Variants in ERBB4 observed in about 807,000 individuals in gnomAD.
ERBB4 encodes receptor tyrosine-protein kinase erbB-4.
In ERBB4, 42 loss-of-function variants were observed where a neutral mutation model predicts 158.0. The observed-to-expected ratio is 0.27, with a 90% CI of 0.21 to 0.34. The LOEUF (loss-of-function observed/expected upper bound fraction) is 0.34, where lower values mean the gene tolerates loss of function less well. ERBB4 is among the 10% of genes least tolerant of loss of function. ERBB4 has a pLI of 1.00. For missense variants in ERBB4, 1,333 were observed against 1,624.1 expected, an observed-to-expected ratio of 0.82 and a Z score of 3.08; for synonymous variants, 583 against 558.7, an observed-to-expected ratio of 1.04 and a Z score of -0.61.
At chr2:211,429,006 T>C (rs2063694376) in intron 21 of ERBB4, among the ~76,000 whole-genome samples, 1 of 151,336 alleles carries the variant, frequency 6.6e-6, no homozygotes, top group African/African-American at 2.5e-5. Context: ...GCCACCCTGC[T>C]TGGTCATACT....
At chr2:212,143,918 C>T (rs1392530108) in intron 1 of ERBB4, among the ~76,000 whole-genome samples, 1 of 151,710 alleles carries the variant, frequency 6.6e-6, no homozygotes, top group Non-Finnish European at 1.5e-5. Flanking sequence ...GCTTGGGAGG[C>T]TGAGGCAGGA....
chr2:211,975,360 G>A (rs1307860408), intron 2 of ERBB4, among the ~76,000 whole-genome samples: 1 of 152,144 alleles, frequency 6.6e-6, no homozygotes, highest in Non-Finnish European at 1.5e-5. Flanking sequence ...AATCAATCCT[G>A]ACCTGATTGA....
intron 5 of ERBB4, among the ~76,000 whole-genome samples, chr2:211,728,578 G>C (rs535023174): frequency 1.3e-5 from 2 of 151,832 alleles, no homozygotes; most frequent in East Asian, 3.9e-4. Context: ...TCAATAAAGT[G>C]CTTCGATGCA....
chr2:211,908,972 G>C (rs1248314442), intron 3 of ERBB4, among the ~76,000 whole-genome samples: 1 of 151,376 alleles, frequency 6.6e-6, no homozygotes, highest in African/African-American at 2.4e-5. Context: ...TGTTATAACT[G>C]GTTTCTTATA....
chr2:212,517,793 G>A (rs752642281), intron 1 of ERBB4, among the ~76,000 whole-genome samples: 2 of 151,946 alleles, frequency 1.3e-5, no homozygotes, highest in Non-Finnish European at 2.9e-5. Context: ...CACTTACTTG[G>A]GTATCTGAAA....
chr2:212,136,474 C>T (rs1559568164), intron 1 of ERBB4, among the ~76,000 whole-genome samples: 1 of 152,170 alleles, frequency 6.6e-6, no homozygotes, highest in Non-Finnish European at 1.5e-5. Context: ...TCTCTTCCTT[C>T]AAAGCATTCT....
intron 1 of ERBB4, among the ~76,000 whole-genome samples, chr2:212,244,157 A>G (rs1360430709): frequency 1.3e-5 from 2 of 152,200 alleles, no homozygotes; most frequent in Non-Finnish European, 1.5e-5. Flanking sequence ...ATAATGAATA[A>G]TGGGCATATT....
intron 25 of ERBB4, among the ~76,000 whole-genome samples, chr2:211,418,750 G>T (rs2063449233): frequency 6.6e-6 from 1 of 151,702 alleles, no homozygotes; most frequent in Non-Finnish European, 1.5e-5. Context: ...TAAATACAAG[G>T]GTATATAATT....
chr2:212,451,597 G>T (rs899195200), intron 1 of ERBB4, among the ~76,000 whole-genome samples: 2 of 152,092 alleles, frequency 1.3e-5, no homozygotes, highest in East Asian at 3.8e-4. Flanking sequence ...TATTAAAATT[G>T]ACACACACCT....
chr2:211,495,231 A>T (rs2125580035), intron 20 of ERBB4, among the ~76,000 whole-genome samples: 1 of 152,202 alleles, frequency 6.6e-6, no homozygotes, highest in South Asian at 2.1e-4. Context: ...TGAAAATTAT[A>T]TGTAAAACAG....
intron 1 of ERBB4, among the ~76,000 whole-genome samples, chr2:212,451,100 T>C (rs970980519): frequency 5.3e-5 from 8 of 152,214 alleles, no homozygotes; most frequent in Non-Finnish European, 1.2e-4. Context: ...ATGAAGAATA[T>C]TTTAAGAAGA....
chr2:212,326,296 T>C (rs1337460018), intron 1 of ERBB4, among the ~76,000 whole-genome samples: 1 of 150,868 alleles, frequency 6.6e-6, no homozygotes, highest in South Asian at 2.1e-4. Context: ...CACTGTTATC[T>C]TTCTCTGACA....
chr2:211,698,394 A>G (rs2073105001), intron 12 of ERBB4, among the ~76,000 whole-genome samples: 1 of 151,854 alleles, frequency 6.6e-6, no homozygotes, highest in South Asian at 2.1e-4. Flanking sequence ...TACTATATTA[A>G]GTATAAGATA....
At chr2:211,393,639 T>C (rs1462671421) in intron 25 of ERBB4, among the ~76,000 whole-genome samples, 1 of 152,158 alleles carries the variant, frequency 6.6e-6, no homozygotes, top group Non-Finnish European at 1.5e-5. Flanking sequence ...AAAATGCTGA[T>C]AATGTGTTAC....
At chr2:211,690,438 T>C (rs1191452494) in intron 12 of ERBB4, among the ~76,000 whole-genome samples, 1 of 152,200 alleles carries the variant, frequency 6.6e-6, no homozygotes, top group Non-Finnish European at 1.5e-5. Context: ...CCCAAAATCT[T>C]ACCTCTCTTC....
At chr2:211,761,836 G>A (rs1051781895) in intron 4 of ERBB4, among the ~76,000 whole-genome samples, 1 of 152,076 alleles carries the variant, frequency 6.6e-6, no homozygotes. Flanking sequence ...CTCACAAAAT[G>A]CAAAAAATAC....
At chr2:212,191,711 CAT>C (rs1170157757) in intron 1 of ERBB4, among the ~76,000 whole-genome samples, 6 of 147,478 alleles carry the variant, frequency 4.1e-5, no homozygotes, top group Non-Finnish European at 7.5e-5. Context: ...ACGTGTTATA[CAT>C]GTTACATATA....
chr2:211,696,858 C>A (rs1037353802), intron 12 of ERBB4, among the ~76,000 whole-genome samples: 1 of 151,858 alleles, frequency 6.6e-6, no homozygotes, highest in African/African-American at 2.4e-5. Flanking sequence ...TTACTAGAGA[C>A]GGGGTTTCAC....
intron 2 of ERBB4, among the ~76,000 whole-genome samples, chr2:211,990,740 C>A (rs1050125512): frequency 6.6e-6 from 1 of 151,660 alleles, no homozygotes; most frequent in Non-Finnish European, 1.5e-5. Flanking sequence ...GTATCCTCGA[C>A]CAGCATCTCT....
Sources: gnomAD v4.1 joint callset for allele counts (sites outside exome capture counted in the v4.1 genomes callset) on GRCh38, gnomAD v4.1.1 for gene constraint, MANE v1.5 for transcripts, NCBI Gene and HGNC (gene_info 2026-07-23, HGNC 2026-07-21) for gene names.